Variants in TEC observed in about 807,000 individuals in gnomAD.
The protein encoded by TEC is tyrosine-protein kinase Tec.
TEC carries 72 observed loss-of-function variants against 93.0 expected under a neutral mutation model. The observed-to-expected ratio is 0.77, with a 90% CI of 0.64 to 0.94. TEC has a LOEUF of 0.94. Ranked by LOEUF, TEC falls within the 40% of genes least tolerant of loss-of-function variation. TEC has a pLI of 0.00. For synonymous variants in TEC, 249 were observed against 247.7 expected (o/e 1.01, Z -0.05); for missense variants, 630 against 757.9 (o/e 0.83, Z 1.98).
At chr4:48,162,243 T>C (rs1261993733) in intron 8 of TEC, among the ~76,000 whole-genome samples, 2 of 152,186 alleles carry the variant, frequency 1.3e-5, no homozygotes, top group African/African-American at 4.8e-5. Context: ...TTCCCTGGCC[T>C]CTGAACAGAA....
intron 8 of TEC, among the ~76,000 whole-genome samples, chr4:48,160,835 GAGGGAGAGAGGGAGGGAGGA>G (rs1485476749): frequency 6.4e-5 from 5 of 78,548 alleles, no homozygotes; most frequent in African/African-American, 1.7e-4. Context: ...CAGAGGGAGG[GAGGGAGAGAGGGAGGGAGGA>G]AGGGAGGAAG....
intron 1 of TEC, among the ~76,000 whole-genome samples, chr4:48,235,612 G>C (rs1329385835): frequency 6.6e-6 from 1 of 152,114 alleles, no homozygotes; most frequent in Non-Finnish European, 1.5e-5. Flanking sequence ...GCTGAGGGTA[G>C]ATTTTCCTAA....
chr4:48,248,634 T>C (rs1468390501), intron 1 of TEC, among the ~76,000 whole-genome samples: 2 of 152,230 alleles, frequency 1.3e-5, no homozygotes, highest in Admixed American at 1.3e-4. Flanking sequence ...GTATCTGGCA[T>C]GGGCCTAGGG....
chr4:48,178,458 G>C (rs568398898), intron 2 of TEC, among the ~76,000 whole-genome samples: 37 of 152,246 alleles, frequency 2.4e-4, no homozygotes, highest in African/African-American at 8.7e-4. Flanking sequence ...ATCTCATTCT[G>C]TGCTCACAAT....
At chr4:48,197,991 A>T (rs1379080011) in intron 2 of TEC, among the ~76,000 whole-genome samples, 1 of 152,170 alleles carries the variant, frequency 6.6e-6, no homozygotes, top group Non-Finnish European at 1.5e-5. Context: ...CAATTCCCAC[A>T]TGCATTTTCT....
At chr4:48,196,634 T>C (rs1289328377) in intron 2 of TEC, among the ~76,000 whole-genome samples, 1 of 152,184 alleles carries the variant, frequency 6.6e-6, no homozygotes, top group East Asian at 1.9e-4. Flanking sequence ...CCTTCTAGAC[T>C]CCAAGAAAGA....
At chr4:48,223,938 AC>A (rs1396435403) in intron 2 of TEC, among the ~76,000 whole-genome samples, 1 of 152,272 alleles carries the variant, frequency 6.6e-6, no homozygotes. Flanking sequence ...CACAATTGTC[AC>A]AATTGGATGC....
chr4:48,148,736 C>T (rs1039072218), intron 11 of TEC, among the ~76,000 whole-genome samples: 4 of 152,180 alleles, frequency 2.6e-5, no homozygotes, highest in African/African-American at 4.8e-5. Context: ...AAACTTGTGT[C>T]ATGGGGGTCT....
intron 1 of TEC, among the ~76,000 whole-genome samples, chr4:48,256,428 TTA>T (rs1724347039): frequency 1.5e-5 from 2 of 134,854 alleles, no homozygotes. Context: ...TACAAAAAAT[TTA>T]AAAAAAAAAA....
intron 1 of TEC, among the ~76,000 whole-genome samples, chr4:48,266,452 G>A (rs1238514894): frequency 1.3e-5 from 2 of 152,244 alleles, no homozygotes; most frequent in African/African-American, 4.8e-5. Context: ...CTGGTCAATT[G>A]AGGGAGAATT....
chr4:48,149,422 T>A, intron 11 of TEC, 135 bp downstream of exon 11: 1 of 852,378 alleles, frequency 1.2e-6, no homozygotes, highest in Non-Finnish European at 1.7e-6. Flanking sequence ...ATTCCTTTAA[T>A]ATGCAGTAAT....
chr4:48,201,821 A>G (rs772973520), intron 2 of TEC, among the ~76,000 whole-genome samples: 7 of 152,162 alleles, frequency 4.6e-5, no homozygotes, highest in Admixed American at 3.9e-4. Flanking sequence ...TCCATGCCAG[A>G]GGAGGGGAGG....
intron 1 of TEC, among the ~76,000 whole-genome samples, chr4:48,236,870 G>C (rs1265459070): frequency 6.6e-6 from 1 of 152,116 alleles, no homozygotes; most frequent in Non-Finnish European, 1.5e-5. Context: ...TTAGCCAACA[G>C]TTCTTAAAAC....
At chr4:48,173,010 C>T (rs537100801) in intron 3 of TEC, among the ~76,000 whole-genome samples, 1 of 152,234 alleles carries the variant, frequency 6.6e-6, no homozygotes, top group Admixed American at 6.5e-5. Flanking sequence ...TTTACTGAGT[C>T]CCCACAATTG....
At position 48,141,137 on chromosome 4, in the gene TEC, C is replaced by G. The variant is rs73136301; in HGVS notation, c.1535+218G>C. Among the ~76,000 whole-genome samples, 1,246 of 152,216 alleles carry G rather than the reference C, an allele frequency of 8.2e-3. 15 individuals are homozygous for G. Among genetic ancestry groups the G allele is most frequent in the African/African-American group, 0.026 (1,090 of 41,522 alleles). On this transcript the variant is annotated intron_variant, in intron 15 of 17. Transcript: ENST00000381501. ...TATGTTTTTGTGAAAACAAAAGATT[C>G]TAGAAATCTAATCCACACCAGGAAA... is the stretch of plus-strand genomic sequence containing the variant.
At chr4:48,177,387 C>T (rs963192538) in intron 2 of TEC, among the ~76,000 whole-genome samples, 7 of 152,146 alleles carry the variant, frequency 4.6e-5, no homozygotes, top group African/African-American at 7.2e-5. Flanking sequence ...TGAAGAACAT[C>T]GTATTTGAGA....
At chr4:48,211,528 T>A (rs190031658) in intron 2 of TEC, among the ~76,000 whole-genome samples, 1 of 152,352 alleles carries the variant, frequency 6.6e-6, no homozygotes, top group East Asian at 1.9e-4. Context: ...CTAGTCAGGA[T>A]AAGTTAACCC....
At chr4:48,219,975 G>A (rs1005940512) in intron 2 of TEC, among the ~76,000 whole-genome samples, 7 of 151,966 alleles carry the variant, frequency 4.6e-5, no homozygotes, top group Non-Finnish European at 1.0e-4. Flanking sequence ...GAAGAGCACT[G>A]AACTTAAGAG....
At position 48,229,094 on chromosome 4, in the gene TEC, G is replaced by A. The variant is rs145057278; in HGVS notation, c.-45-435C>T. Reference sequence around the variant, plus strand: ...GACCTTACAGACACAGCCAACTCATGAACAAAATGAATTAGCATGGTGGTG... The same window carrying A: ...GACCTTACAGACACAGCCAACTCATAAACAAAATGAATTAGCATGGTGGTG... On this transcript the variant is annotated intron_variant, in intron 1 of 17. Coordinates refer to ENST00000381501, the MANE Select transcript of TEC (RefSeq NM_003215.3). Among the ~76,000 whole-genome samples the A allele has an allele frequency of 2.3e-4, 35 of 152,274 alleles. No homozygotes were observed. The East Asian group carries it at 6.2e-3, about 27-fold the overall frequency.
Sources: gnomAD v4.1 joint callset for allele counts (sites outside exome capture counted in the v4.1 genomes callset) on GRCh38, gnomAD v4.1.1 for gene constraint, MANE v1.5 for transcripts, NCBI Gene and HGNC (gene_info 2026-07-23, HGNC 2026-07-21) for gene names.